PTCD1: variants seen among roughly 807,000 people sequenced by gnomAD.
The protein encoded by PTCD1 is pentatricopeptide repeat-containing protein 1, mitochondrial.
Under a neutral mutation model 53.4 loss-of-function variants are expected in PTCD1, and 50 were observed. The observed-to-expected ratio is 0.94, with a 90% CI of 0.75 to 1.19. The LOEUF (loss-of-function observed/expected upper bound fraction) is 1.19. PTCD1 is among the 50% of genes most tolerant of loss of function. The probability of loss-of-function intolerance (pLI) is 0.00; values close to 1 mark genes in which losing one functional copy is unlikely to be tolerated. For missense variants in PTCD1, 918 were observed against 904.8 expected, an observed-to-expected ratio of 1.01 and a Z score of -0.19; for synonymous variants, 413 against 394.8, an observed-to-expected ratio of 1.05 and a Z score of -0.55.
chr7:99,420,835 T>C (rs1795776832), intron 7 of PTCD1, among the ~76,000 whole-genome samples: 1 of 152,034 alleles, frequency 6.6e-6, no homozygotes, highest in Admixed American at 6.6e-5. Flanking sequence ...TAGCCCCAGC[T>C]ACCTGGGAGG....
At chr7:99,437,550 G>A (rs940352155) in intron 1 of PTCD1, among the ~76,000 whole-genome samples, 7 of 152,256 alleles carry the variant, frequency 4.6e-5, no homozygotes, top group Admixed American at 2.0e-4. Flanking sequence ...TGATCCGCCC[G>A]CCTCGGCCTC....
chr7:99,420,946 CAAAAA>C (rs1005494339), intron 7 of PTCD1, among the ~76,000 whole-genome samples: 1 of 144,458 alleles, frequency 6.9e-6, no homozygotes. Context: ...GACTCCATCT[CAAAAA>C]AAAACAAAAA....
intron 7 of PTCD1, 122 bp from the exon 8 acceptor site, chr7:99,420,271 G>A: frequency 7.1e-7 from 1 of 1,405,054 alleles, no homozygotes; most frequent in Non-Finnish European, 9.9e-7. Context: ...GGTGGCTGCA[G>A]AGGACAGGGC....
intron 2 of PTCD1, among the ~76,000 whole-genome samples, chr7:99,434,483 GTGGAGGATTCA>G (rs1796383208): frequency 1.3e-5 from 2 of 151,418 alleles, no homozygotes; most frequent in Non-Finnish European, 2.9e-5. Context: ...CTAGAAGGGT[GTGGAGGATTCA>G]CTTTTCTTTT....
At chr7:99,434,448 T>C (rs1796380979) in intron 2 of PTCD1, among the ~76,000 whole-genome samples, 2 of 150,340 alleles carry the variant, frequency 1.3e-5, no homozygotes, top group Admixed American at 6.6e-5. Flanking sequence ...GATCCTGTTA[T>C]AAAAAAAACC....
chr7:99,422,207 T>C (rs1441171079), intron 7 of PTCD1, among the ~76,000 whole-genome samples: 3 of 152,240 alleles, frequency 2.0e-5, no homozygotes, highest in African/African-American at 4.8e-5. Context: ...ACAATTTCCA[T>C]TGCTGTCCCA....
intron 4 of PTCD1, 82 bp from the exon 5 acceptor site, chr7:99,429,286 T>C: frequency 6.5e-7 from 1 of 1,544,786 alleles, no homozygotes; most frequent in Non-Finnish European, 8.9e-7. Context: ...CCTGGCACAT[T>C]GGGAGGCCAA....
In PTCD1 at chr7:99,419,708, G is replaced by T; in HGVS notation, c.*259C>A. On this transcript the variant is annotated 3_prime_UTR_variant, in exon 8 of 8. Transcript: ENST00000292478. Reference sequence around the variant, plus strand: ...CCAGATGCCCCAGCCCCCTTGTGGTGTGTGAGGTGACACACAAAGGTAGCT... The same window carrying T: ...CCAGATGCCCCAGCCCCCTTGTGGTTTGTGAGGTGACACACAAAGGTAGCT... The T allele has an allele frequency of 1.4e-6, 1 of 700,208 alleles. No homozygotes were observed. Among genetic ancestry groups the T allele is most frequent in the Non-Finnish European group, 2.3e-6 (1 of 427,390 alleles). The allele number at this position is 700,208 out of a possible 1,614,324, so 43.4% of individuals were successfully genotyped here.
In PTCD1 at chr7:99,418,407, TCA is replaced by T. The variant is rs1795628313; in HGVS notation, c.*1558_*1559del. On this transcript the variant is annotated 3_prime_UTR_variant, in exon 8 of 8. Transcript: ENST00000292478. ...AAGGCAGCTGTGGCCCGAGGCAGAGTCACAGCAGTGGCCGCTCAGTGCAGCCC... is the reference window on the plus strand; with the variant it reads ...AAGGCAGCTGTGGCCCGAGGCAGAGTCAGCAGTGGCCGCTCAGTGCAGCCC... The T allele has an allele frequency of 6.5e-6, 1 of 154,606 alleles. No homozygotes were observed. The highest frequency in any genetic ancestry group is 2.0e-4 in the South Asian group (1 of 4,974). The allele number at this position is 154,606 out of a possible 1,614,324, so 9.6% of individuals were successfully genotyped here.
intron 1 of PTCD1, among the ~76,000 whole-genome samples, chr7:99,435,810 G>A (rs1796444112): frequency 6.8e-6 from 1 of 147,264 alleles, no homozygotes; most frequent in African/African-American, 2.5e-5. Context: ...GGTGCTACAC[G>A]TCTAATCCCA....
rs1389650299 is a variant in PTCD1, at chr7:99,417,499, A to G, written c.*2468T>C. On this transcript the variant is annotated 3_prime_UTR_variant, in exon 8 of 8. Transcript: ENST00000292478. ...TGATTGCAAAATGGAAAAAGCAAGGATATGAGAACTTGTGCTGCCTGCGGT... is the reference window on the plus strand; with the variant it reads ...TGATTGCAAAATGGAAAAAGCAAGGGTATGAGAACTTGTGCTGCCTGCGGT... 14 of 1,611,740 alleles carry G rather than the reference A, an allele frequency of 8.7e-6. No homozygotes were observed. The Admixed American group carries it at 1.8e-4, about 21-fold the overall frequency.
At chr7:99,425,706 T>G in intron 5 of PTCD1, 90 bp from the exon 6 acceptor site, 1 of 1,480,954 alleles carries the variant, frequency 6.8e-7, no homozygotes, top group Non-Finnish European at 9.2e-7. Flanking sequence ...CCTTGGGAGT[T>G]TTAGATGGGA....
intron 1 of PTCD1, chr7:99,438,426 CTGT>C: frequency 2.5e-6 from 2 of 802,186 alleles, no homozygotes; most frequent in Non-Finnish European, 3.2e-6. Context: ...GATCGTACCC[CTGT>C]ACTCCAGCCT....
chr7:99,425,149 T>C lies in PTCD1; in HGVS notation c.1383A>G (p.Pro461=). 6.2e-7 allele frequency: 1 copy of C among 1,613,994 alleles called. No individual in the cohort carries two copies. ...CCCCTATCAAGGCCAGCCGGTCAGCTGGGGTGGTCACCGTTCCAAAGGAGA... is the reference window on the plus strand; with the variant it reads ...CCCCTATCAAGGCCAGCCGGTCAGCCGGGGTGGTCACCGTTCCAAAGGAGA... ...TVVSFGTVTT[P]ADRLALIGGL... Residue 461 remains proline (P), a synonymous_variant, in exon 6 of 8, where the codon CCA becomes CCG. Transcript: ENST00000292478.
At chr7:99,424,736 T>G in intron 6 of PTCD1, 59 bp downstream of exon 6, 3 of 1,600,012 alleles carry the variant, frequency 1.9e-6, no homozygotes, top group Non-Finnish European at 2.6e-6. Context: ...ACTTTCCTCC[T>G]GAGCTGCAGA....
At chr7:99,433,482 G>A in intron 2 of PTCD1, 64 bp from the exon 3 acceptor site, 1 of 1,612,148 alleles carries the variant, frequency 6.2e-7, no homozygotes, top group Admixed American at 1.7e-5. Flanking sequence ...GCAGAGAGAG[G>A]GAGGTTGAAG....
At chr7:99,430,787 C>A (rs1357751002) in intron 3 of PTCD1, among the ~76,000 whole-genome samples, 1 of 152,212 alleles carries the variant, frequency 6.6e-6, no homozygotes, top group Non-Finnish European at 1.5e-5. Flanking sequence ...AAAACAGTAA[C>A]AAGGCTGGGT....
chr7:99,429,297 G>A (rs1447449074), intron 4 of PTCD1, 93 bp from the exon 5 acceptor site: 54 of 1,497,686 alleles, frequency 3.6e-5, no homozygotes, highest in Non-Finnish European at 4.9e-5. Context: ...GGGAGGCCAA[G>A]GCAGGATGAT....
chr7:99,433,094 G>A (rs1386322841), intron 3 of PTCD1, 184 bp downstream of exon 3: 4 of 882,302 alleles, frequency 4.5e-6, no homozygotes, highest in Non-Finnish European at 7.3e-6. Context: ...AGTCCAGGCA[G>A]GTGCTAAAGG....
Sources: gnomAD v4.1 joint callset for allele counts (sites outside exome capture counted in the v4.1 genomes callset) on GRCh38, gnomAD v4.1.1 for gene constraint, MANE v1.5 for transcripts, NCBI Gene and HGNC (gene_info 2026-07-23, HGNC 2026-07-21) for gene names.